The following ANO10 variants were observed in gnomAD, a reference collection of about 807,000 sequenced individuals.
ANO10 encodes anoctamin-10.
ANO10 carries 77 observed loss-of-function variants against 74.7 expected under a neutral mutation model. The observed-to-expected ratio is 1.03, with a 90% CI of 0.86 to 1.25. ANO10 has a LOEUF of 1.25. Among genes scored for constraint, ANO10 ranks in the 50% most tolerant of loss-of-function variants. ANO10 has a pLI of 0.00. For synonymous variants in ANO10, 279 were observed against 284.9 expected, an observed-to-expected ratio of 0.98 and a Z score of 0.21; for missense variants, 721 against 778.1, an observed-to-expected ratio of 0.93 and a Z score of 0.87.
chr3:43,577,486 G>A (rs1270497499), intron 5 of ANO10, among the ~76,000 whole-genome samples: 1 of 152,084 alleles, frequency 6.6e-6, no homozygotes, highest in Non-Finnish European at 1.5e-5. Context: ...TTAGCTGGGG[G>A]GTGTGCTCCG....
At chr3:43,686,918 A>C (rs1232217039) in intron 1 of ANO10, among the ~76,000 whole-genome samples, 1 of 152,116 alleles carries the variant, frequency 6.6e-6, no homozygotes, top group Admixed American at 6.5e-5. Context: ...TCTACCTCAG[A>C]CCTACAGAGT....
chr3:43,428,084 C>T (rs370517779), intron 12 of ANO10, among the ~76,000 whole-genome samples: 5 of 151,826 alleles, frequency 3.3e-5, no homozygotes, highest in African/African-American at 1.2e-4. Flanking sequence ...GAGTCTCACT[C>T]TGTCACTCAG....
At chr3:43,526,948 C>CATATGTGTGTGTATATATATGTATACAT (rs1242942130) in intron 11 of ANO10, among the ~76,000 whole-genome samples, 6 of 151,840 alleles carry the variant, frequency 4.0e-5, no homozygotes, top group Non-Finnish European at 7.4e-5. Context: ...TACACACATA[C>CATATGTGTGTGTATATATATGTATACAT]ATATGTGTGT....
rs561430254 is a variant in ANO10 at position 43,578,453 on chromosome 3, G to A, written c.593-1192C>T. On this transcript the variant is annotated intron_variant, in intron 5 of 12. Transcript: ENST00000292246. ...CTCACTTTCTCCCCTTACTTTCTAA[G>A]AAGTAGCTAACAGAGGCCGGGAGCA... Among the ~76,000 whole-genome samples the A allele has an allele frequency of 3.9e-5, 6 of 152,156 alleles. No homozygotes were observed. In the East Asian group the frequency reaches 1.2e-3, roughly 29 times the overall value.
chr3:43,640,005 T>C (rs1306035889), intron 1 of ANO10, among the ~76,000 whole-genome samples: 3 of 151,992 alleles, frequency 2.0e-5, no homozygotes, highest in Non-Finnish European at 4.4e-5. Context: ...TTGCAGAAGA[T>C]GTATGTTAGG....
intron 1 of ANO10, among the ~76,000 whole-genome samples, chr3:43,676,295 C>T (rs925993456): frequency 7.0e-6 from 1 of 142,232 alleles, no homozygotes; most frequent in Non-Finnish European, 1.5e-5. Context: ...CCTGTATGTA[C>T]AAAAAAAAGA....
intron 1 of ANO10, among the ~76,000 whole-genome samples, chr3:43,617,343 T>C (rs185643089): frequency 1.3e-5 from 2 of 152,042 alleles, no homozygotes; most frequent in Non-Finnish European, 2.9e-5. Flanking sequence ...GCCAATATCC[T>C]CCTTTGATCG....
At chr3:43,388,008 T>C (rs938209252) in intron 12 of ANO10, among the ~76,000 whole-genome samples, 1 of 152,196 alleles carries the variant, frequency 6.6e-6, no homozygotes, top group African/African-American at 2.4e-5. Flanking sequence ...AGGAATAGGT[T>C]ATAATGGCAC....
chr3:43,449,903 C>T lies in ANO10; in HGVS notation c.1798-17176G>A, dbSNP rs76972685. Among the ~76,000 whole-genome samples, 1,096 of 152,250 alleles carry T rather than the reference C, an allele frequency of 7.2e-3. 15 individuals carry two copies. The highest frequency in any genetic ancestry group is 0.025 in the African/African-American group (1,046 of 41,540). The stretch of plus-strand genomic sequence containing the variant: ...AACTGACATCTTAATAGAGAATCCT[C>T]CCATCCATAAACATGGGATATCTCT... On this transcript the variant is annotated intron_variant, in intron 11 of 12. Transcript: ENST00000292246.
intron 4 of ANO10, among the ~76,000 whole-genome samples, chr3:43,594,707 A>G (rs1171953328): frequency 6.6e-6 from 1 of 152,236 alleles, no homozygotes; most frequent in Non-Finnish European, 1.5e-5. Context: ...AAAGAACTAG[A>G]GAAGCAAGAG....
At chr3:43,632,999 C>T (rs1559377927) in intron 1 of ANO10, among the ~76,000 whole-genome samples, 1 of 152,002 alleles carries the variant, frequency 6.6e-6, no homozygotes, top group Non-Finnish European at 1.5e-5. Flanking sequence ...TCAGGTATTT[C>T]GCATCACGTT....
At chr3:43,457,511 G>A (rs753093615) in intron 11 of ANO10, among the ~76,000 whole-genome samples, 7 of 152,186 alleles carry the variant, frequency 4.6e-5, no homozygotes, top group Non-Finnish European at 8.8e-5. Context: ...CAGATCTCAT[G>A]AGAACTCACT....
intron 1 of ANO10, among the ~76,000 whole-genome samples, chr3:43,610,621 T>C (rs1028931529): frequency 6.6e-6 from 1 of 152,202 alleles, no homozygotes; most frequent in Non-Finnish European, 1.5e-5. Flanking sequence ...AACCAACATA[T>C]ATGCAGTCTG....
At chr3:43,554,326 T>A (rs554607832) in intron 10 of ANO10, among the ~76,000 whole-genome samples, 2 of 152,012 alleles carry the variant, frequency 1.3e-5, no homozygotes, top group Non-Finnish European at 2.9e-5. Context: ...CCTGAGTAGC[T>A]GGGATTACAG....
intron 11 of ANO10, among the ~76,000 whole-genome samples, chr3:43,480,196 A>T (rs547400992): frequency 6.6e-6 from 1 of 152,362 alleles, no homozygotes; most frequent in East Asian, 1.9e-4. Flanking sequence ...CAAACAAACA[A>T]GGAGACACAA....
At chr3:43,634,643 C>G (rs2083587160) in intron 1 of ANO10, among the ~76,000 whole-genome samples, 1 of 152,108 alleles carries the variant, frequency 6.6e-6, no homozygotes, top group Non-Finnish European at 1.5e-5. Flanking sequence ...TCATCCAGTG[C>G]CTTTCGGAAT....
chr3:43,410,086 G>A (rs76983457), intron 12 of ANO10, among the ~76,000 whole-genome samples: 4,145 of 151,934 alleles, frequency 0.027, 201 homozygotes, highest in African/African-American at 0.094. Flanking sequence ...ACGATAAAAC[G>A]TATTACATTT....
At chr3:43,512,083 G>A (rs910707894) in intron 11 of ANO10, among the ~76,000 whole-genome samples, 3 of 150,994 alleles carry the variant, frequency 2.0e-5, no homozygotes, top group African/African-American at 7.3e-5. Context: ...TGGGAGCCCC[G>A]GATGTGGGGA....
At chr3:43,537,050 C>T (rs536826110) in intron 11 of ANO10, among the ~76,000 whole-genome samples, 1 of 146,132 alleles carries the variant, frequency 6.8e-6, no homozygotes, top group African/African-American at 2.5e-5. Context: ...GAGTCCTTGG[C>T]AACCATCCTC....
Sources: allele counts gnomAD v4.1 joint callset (sites outside exome capture counted in the v4.1 genomes callset), GRCh38; gene constraint gnomAD v4.1.1; transcripts MANE v1.5; gene names NCBI Gene and HGNC (gene_info 2026-07-23, HGNC 2026-07-21).